PDE4D: variants seen among roughly 807,000 people sequenced by gnomAD.
PDE4D encodes 3',5'-cyclic-AMP phosphodiesterase 4D.
In PDE4D, 24 loss-of-function variants were observed where a neutral mutation model predicts 87.4. That is an observed-to-expected ratio of 0.27 (90% CI 0.20 to 0.39). The LOEUF (loss-of-function observed/expected upper bound fraction) is 0.39, where lower values mean the gene tolerates loss of function less well. Ranked by LOEUF, PDE4D falls within the 10% of genes least tolerant of loss-of-function variation. The probability of loss-of-function intolerance (pLI) is 1.00; values close to 1 mark genes in which losing one functional copy is unlikely to be tolerated. For missense variants in PDE4D, 714 were observed against 1,041.0 expected (o/e 0.69, Z 4.32); for synonymous variants, 384 against 383.2 (o/e 1.00, Z -0.02).
At chr5:58,977,164 C>G in intron 12 of PDE4D, 27 bp downstream of exon 12, 1 of 1,591,424 alleles carries the variant, frequency 6.3e-7, no homozygotes, top group Non-Finnish European at 8.5e-7. Flanking sequence ...TCACAGTTCT[C>G]TTCTTTGGCT....
chr5:59,499,952 G>T (rs1807992795), intron 1 of PDE4D, among the ~76,000 whole-genome samples: 1 of 151,552 alleles, frequency 6.6e-6, no homozygotes, highest in South Asian at 2.1e-4. Context: ...CCAAAATCTG[G>T]CAAAGACACA....
intron 2 of PDE4D, among the ~76,000 whole-genome samples, chr5:60,143,606 TG>T (rs1780736772): frequency 1.4e-4 from 4 of 28,844 alleles, no homozygotes; most frequent in Non-Finnish European, 2.3e-4. Flanking sequence ...TTGGGAATTG[TG>T]TGTGTGTGTG....
chr5:59,093,522 C>T (rs1769115775), intron 5 of PDE4D, among the ~76,000 whole-genome samples: 1 of 152,188 alleles, frequency 6.6e-6, no homozygotes, highest in Admixed American at 6.5e-5. Flanking sequence ...GCGCAAATCT[C>T]GCAGGCAGAA....
intron 1 of PDE4D, chr5:59,586,323 A>C (rs756767797): frequency 1.3e-6 from 2 of 1,588,838 alleles, no homozygotes; most frequent in Non-Finnish European, 8.6e-7. Context: ...AATATTGATT[A>C]CTCACCATAT....
chr5:59,915,332 A>G (rs1753926008), intron 3 of PDE4D, among the ~76,000 whole-genome samples: 1 of 152,210 alleles, frequency 6.6e-6, no homozygotes, highest in South Asian at 2.1e-4. Context: ...GTGAGTCCAT[A>G]GGAAGAAGAA....
intron 1 of PDE4D, among the ~76,000 whole-genome samples, chr5:59,340,775 T>C (rs1425431146): frequency 6.6e-6 from 1 of 152,164 alleles, no homozygotes; most frequent in African/African-American, 2.4e-5. Flanking sequence ...AATGAGAACA[T>C]ACAAAGTTTG....
chr5:60,220,268 G>A (rs1744347985), intron 1 of PDE4D, among the ~76,000 whole-genome samples: 1 of 152,078 alleles, frequency 6.6e-6, no homozygotes, highest in African/African-American at 2.4e-5. Flanking sequence ...TGATAAGAAA[G>A]GGACACTAAC....
intron 1 of PDE4D, among the ~76,000 whole-genome samples, chr5:60,334,127 A>G (rs2149876819): frequency 6.6e-6 from 1 of 152,300 alleles, no homozygotes; most frequent in East Asian, 1.9e-4. Context: ...TCATAATATG[A>G]TATCAAGGTC....
intron 1 of PDE4D, among the ~76,000 whole-genome samples, chr5:59,613,781 T>A (rs927656363): frequency 1.5e-4 from 23 of 152,114 alleles, no homozygotes; most frequent in African/African-American, 5.6e-4. Flanking sequence ...ATTTGCATAT[T>A]TTGGAGAATT....
intron 1 of PDE4D, among the ~76,000 whole-genome samples, chr5:59,716,000 G>T (rs1334264521): frequency 2.6e-5 from 4 of 152,142 alleles, no homozygotes; most frequent in Non-Finnish European, 1.5e-5. Flanking sequence ...CAGGGCCTTT[G>T]TCCCCAGAGT....
chr5:60,293,470 C>T (rs780181367), intron 1 of PDE4D, among the ~76,000 whole-genome samples: 4 of 151,996 alleles, frequency 2.6e-5, no homozygotes, highest in Admixed American at 1.3e-4. Flanking sequence ...GCAGAGACGG[C>T]GCCACTGCAC....
At chr5:59,580,787 T>C (rs941308898) in intron 1 of PDE4D, among the ~76,000 whole-genome samples, 7 of 152,160 alleles carry the variant, frequency 4.6e-5, no homozygotes, top group African/African-American at 1.7e-4. Flanking sequence ...TTTTCAAAAG[T>C]GGTAAAAACT....
At chr5:59,851,565 A>G (rs777981123) in intron 1 of PDE4D, among the ~76,000 whole-genome samples, 17 of 151,928 alleles carry the variant, frequency 1.1e-4, no homozygotes, top group Non-Finnish European at 2.4e-4. Flanking sequence ...CACTCCTTTG[A>G]TTCTGTTTTT....
At chr5:59,530,925 T>C (rs956291139) in intron 1 of PDE4D, among the ~76,000 whole-genome samples, 4 of 152,202 alleles carry the variant, frequency 2.6e-5, no homozygotes, top group Non-Finnish European at 5.9e-5. Flanking sequence ...AAAGACTCAG[T>C]CTGAACATCC....
chr5:59,731,769 C>T (rs1325904215), intron 1 of PDE4D, among the ~76,000 whole-genome samples: 1 of 152,058 alleles, frequency 6.6e-6, no homozygotes, highest in Non-Finnish European at 1.5e-5. Flanking sequence ...TCTTTGCTTA[C>T]AAAATACTTT....
intron 1 of PDE4D, among the ~76,000 whole-genome samples, chr5:60,253,626 T>G (rs1165660491): frequency 2.0e-5 from 3 of 151,894 alleles, no homozygotes; most frequent in Non-Finnish European, 4.4e-5. Context: ...AACGCGATTA[T>G]TACCAGCCTA....
intron 5 of PDE4D, among the ~76,000 whole-genome samples, chr5:59,086,949 C>T (rs1767805679): frequency 1.3e-5 from 2 of 152,156 alleles, no homozygotes; most frequent in Non-Finnish European, 2.9e-5. Flanking sequence ...CCTGCCTACT[C>T]CAATTCTACC....
rs561846391 is a variant in PDE4D at position 60,462,548 on chromosome 5, C to A, written c.-90+25394G>T. 3.3e-5 allele frequency among the ~76,000 whole-genome samples: 5 copies of A among 152,240 alleles called. No homozygotes were observed. In the South Asian group the frequency reaches 8.3e-4, roughly 25 times the overall value. ...TCAGTGATCCAAAGAAAAATCTCCT[C>A]TCTCTGTTTCCTATCCTCACGGTGA... On this transcript the variant is annotated intron_variant, in intron 1 of 16. Coordinates refer to the PDE4D transcript ENST00000502484.
chr5:59,768,325 T>C, intron 1 of PDE4D: 2 of 1,598,262 alleles, frequency 1.3e-6, no homozygotes, highest in Non-Finnish European at 1.7e-6. Context: ...CCTGGGGGAA[T>C]TTCTCGGAGA....
Sources: gnomAD v4.1 joint callset for allele counts (sites outside exome capture counted in the v4.1 genomes callset) on GRCh38, gnomAD v4.1.1 for gene constraint, MANE v1.5 for transcripts, NCBI Gene and HGNC (gene_info 2026-07-23, HGNC 2026-07-21) for gene names.